The following PRKAG2 variants were observed in gnomAD, a reference collection of about 807,000 sequenced individuals.
PRKAG2 encodes the protein 5'-AMP-activated protein kinase subunit gamma-2.
In PRKAG2, 26 loss-of-function variants were observed where a neutral mutation model predicts 69.6. The observed-to-expected ratio is 0.37, with a 90% CI of 0.27 to 0.52. The LOEUF (loss-of-function observed/expected upper bound fraction) is 0.52. Ranked by LOEUF, PRKAG2 falls within the 20% of genes least tolerant of loss-of-function variation. The pLI, the probability that PRKAG2 is intolerant of heterozygous loss-of-function variation, is 0.90. For synonymous variants in PRKAG2, 293 were observed against 285.0 expected (o/e 1.03, Z -0.28); for missense variants, 557 against 740.0 (o/e 0.75, Z 2.87).
At chr7:151,823,062 T>C (rs1586670519) in intron 1 of PRKAG2, among the ~76,000 whole-genome samples, 1 of 110,640 alleles carries the variant, frequency 9.0e-6, no homozygotes, top group African/African-American at 3.5e-5. Flanking sequence ...AAACGCAAGC[T>C]CAACTGCAGA....
At chr7:151,629,075 T>C (rs144755407) in intron 5 of PRKAG2, among the ~76,000 whole-genome samples, 1 of 152,180 alleles carries the variant, frequency 6.6e-6, no homozygotes, top group African/African-American at 2.4e-5. Context: ...GGGCCAAATC[T>C]GGGTTTTGGT....
intron 1 of PRKAG2, among the ~76,000 whole-genome samples, chr7:151,870,126 T>TAGATAGATAGAC (rs1563769060): frequency 1.7e-5 from 2 of 120,916 alleles, no homozygotes; most frequent in Non-Finnish European, 3.7e-5. Flanking sequence ...GATAGATAGA[T>TAGATAGATAGAC]AGATAGATAG....
intron 4 of PRKAG2, among the ~76,000 whole-genome samples, chr7:151,642,341 TCAAA>T (rs530732772): frequency 5.9e-5 from 9 of 152,012 alleles, no homozygotes; most frequent in African/African-American, 1.7e-4. Flanking sequence ...AGACTCCATC[TCAAA>T]CAAACAAACA....
At position 151,786,527 on chromosome 7, in the gene PRKAG2, G is replaced by A. The variant is rs770946241; in HGVS notation, c.129C>T (p.Phe43=). The A allele has an allele frequency of 5.0e-6, 8 of 1,612,698 alleles. No individual in the cohort carries two copies. Among genetic ancestry groups the A allele is most frequent in the East Asian group, 4.5e-5 (2 of 44,880 alleles). The change falls in exon 2 of 16, where the codon TTC becomes TTT. Residue 43 remains phenylalanine (F), a synonymous_variant. Coordinates refer to ENST00000287878, the MANE Select transcript of PRKAG2 (RefSeq NM_016203.4). Reference sequence around the variant, plus strand: ...GGTCTCCGTCCAGGAGCGGCATGGCGAAGGAGCTCAGGTCCTAGGGTGGAC... The same window carrying A: ...GGTCTCCGTCCAGGAGCGGCATGGCAAAGGAGCTCAGGTCCTAGGGTGGAC... ...LRVHIPDLSS[F]AMPLLDGDLE...
At chr7:151,693,994 C>T (rs1485903893) in intron 3 of PRKAG2, among the ~76,000 whole-genome samples, 1 of 152,222 alleles carries the variant, frequency 6.6e-6, no homozygotes, top group Non-Finnish European at 1.5e-5. Context: ...GCCTCAGCCT[C>T]CTGAGCAGCT....
rs1176394603 is a variant in PRKAG2, at chr7:151,583,910, G to A, written c.865-7458C>T. Among the ~76,000 whole-genome samples the A allele has an allele frequency of 2.0e-5, 3 of 152,188 alleles. No homozygotes were observed. ...AGAGACTCTGGCAGTCTATACCAAG[G>A]AGAACATCTGTGTTCCCCAGAATGG... On this transcript the variant is annotated intron_variant, in intron 6 of 15. Transcript: ENST00000287878. The surrounding 1 kb of genome is among the most constrained non-coding windows in gnomAD (Gnocchi z 4.1).
chr7:151,586,906 T>G (rs2538038), intron 6 of PRKAG2, among the ~76,000 whole-genome samples: 53,388 of 152,172 alleles, frequency 0.35, 11,614 homozygotes, highest in East Asian at 0.54. Flanking sequence ...CTCTGCATTC[T>G]GTATTCTCTA....
intron 1 of PRKAG2, among the ~76,000 whole-genome samples, chr7:151,797,387 C>T (rs1411130151): frequency 6.6e-6 from 1 of 152,068 alleles, no homozygotes; most frequent in African/African-American, 2.4e-5. Flanking sequence ...TGCTGGCTGG[C>T]TCTGAGACAC....
At chr7:151,773,026 AG>A (rs1319263977) in intron 3 of PRKAG2, among the ~76,000 whole-genome samples, 19,927 of 53,740 alleles carry the variant, frequency 0.37, 3,532 homozygotes, top group Non-Finnish European at 0.4. Flanking sequence ...AGAAAGAAAG[AG>A]AGAGAGAGAG....
intron 3 of PRKAG2, among the ~76,000 whole-genome samples, chr7:151,776,342 T>C (rs2076346149): frequency 6.6e-6 from 1 of 152,184 alleles, no homozygotes; most frequent in African/African-American, 2.4e-5. Context: ...CCCGATGGTG[T>C]AACCGGGCTG....
rs532381523 is a variant in PRKAG2 at position 151,684,908 on chromosome 7, G to A, written c.467-9271C>T. On this transcript the variant is annotated intron_variant, in intron 3 of 15. Transcript: ENST00000287878. ...CCCTGGTTTCTCATCACCTGGAGACGTAAGAAATTGGAAAAAGCTGGTCAC... is the reference window on the plus strand; with the variant it reads ...CCCTGGTTTCTCATCACCTGGAGACATAAGAAATTGGAAAAAGCTGGTCAC... Among the ~76,000 whole-genome samples, 599 of 152,228 alleles carry A rather than the reference G, an allele frequency of 3.9e-3. 2 individuals are homozygous for A. The highest frequency in any genetic ancestry group is 0.013 in the African/African-American group (547 of 41,508).
chr7:151,572,879 A>C (rs1230665428), intron 8 of PRKAG2, among the ~76,000 whole-genome samples, 170 bp from the exon 9 acceptor site: 1 of 152,176 alleles, frequency 6.6e-6, no homozygotes, highest in African/African-American at 2.4e-5. Context: ...TTGGGAGATC[A>C]AGGTGGGCAG....
chr7:151,844,813 A>G (rs1204190317), intron 1 of PRKAG2, among the ~76,000 whole-genome samples: 8 of 152,254 alleles, frequency 5.3e-5, no homozygotes, highest in Admixed American at 1.3e-4. Context: ...GTAAAGGCTC[A>G]GTAAGTATTT....
chr7:151,752,751 T>C (rs1215150088), intron 3 of PRKAG2, among the ~76,000 whole-genome samples: 1 of 152,160 alleles, frequency 6.6e-6, no homozygotes, highest in African/African-American at 2.4e-5. Context: ...GTAATTACTA[T>C]AGTAACAATT....
intron 2 of PRKAG2, among the ~76,000 whole-genome samples, chr7:151,784,121 G>C (rs578141261): frequency 2.6e-5 from 4 of 152,014 alleles, no homozygotes; most frequent in African/African-American, 9.7e-5. Flanking sequence ...TGTGGACAAC[G>C]ACTTGGTTGT....
chr7:151,644,038 G>A (rs946146138), intron 4 of PRKAG2, among the ~76,000 whole-genome samples: 30 of 152,284 alleles, frequency 2.0e-4, no homozygotes, highest in East Asian at 5.8e-4. Context: ...CTATGAGGAC[G>A]CAAAGGCATA....
Position 151,704,787 on chromosome 7 carries a change from G to C in PRKAG2, c.467-29150C>G, listed in dbSNP as rs541952404. On this transcript the variant is annotated intron_variant, in intron 3 of 15. Transcript: ENST00000287878. ...GGGATTTACAACTCTCTGCCTCCCG[G>C]GGCGCCACGGCTTGGAGAAAGAGAG... Among the ~76,000 whole-genome samples, 4 of 152,306 alleles carry C rather than the reference G, an allele frequency of 2.6e-5. No individual in the cohort carries two copies. The South Asian group carries it at 6.2e-4, about 24-fold the overall frequency.
intron 4 of PRKAG2, among the ~76,000 whole-genome samples, chr7:151,670,312 TAATC>T (rs1563387584): frequency 6.6e-6 from 1 of 152,200 alleles, no homozygotes; most frequent in East Asian, 1.9e-4. Context: ...CCCCTTCAAT[TAATC>T]AACCACTACC....
rs971612509 is a variant in PRKAG2 at position 151,814,816 on chromosome 7, G to A, written c.115-28275C>T. 70 of 1,231,628 alleles carry A rather than the reference G, an allele frequency of 5.7e-5. No homozygotes were observed. Among genetic ancestry groups the A allele is most frequent in the Admixed American group, 8.4e-5 (2 of 23,674 alleles). 76.3% of individuals were successfully genotyped at this position (1,231,628 alleles called of 1,614,324 possible). A position where few individuals can be genotyped will look rare whatever the true frequency, so the allele number is the denominator to read the frequency against. ...AGCTCGGGCAGATTCCCCCATTGAC[G>A]GGACTGCAGCAAACTGTCATTCCCA... On this transcript the variant is annotated intron_variant, in intron 1 of 15. Transcript: ENST00000287878. This position sits in a 1 kb window ranked among gnomAD's most constrained non-coding sequence, Gnocchi z 4.8.
Sources: allele counts gnomAD v4.1 joint callset (sites outside exome capture counted in the v4.1 genomes callset), GRCh38; gene constraint gnomAD v4.1.1; non-coding constraint Gnocchi (gnomAD v3.1); transcripts MANE v1.5; gene names NCBI Gene and HGNC (gene_info 2026-07-23, HGNC 2026-07-21).